SPTBN5: variants seen among roughly 807,000 people sequenced by gnomAD.
SPTBN5 encodes the protein spectrin beta, non-erythrocytic 5.
A neutral mutation model predicts 477.6 loss-of-function variants in SPTBN5; 513 were observed. The ratio of observed to expected loss-of-function variants is 1.07; its 90% CI spans 1.00 to 1.16. SPTBN5 has a LOEUF of 1.16. SPTBN5 is among the 50% of genes most tolerant of loss of function. The probability of loss-of-function intolerance (pLI) is 0.00; values close to 1 mark genes in which losing one functional copy is unlikely to be tolerated. For synonymous variants in SPTBN5, 2,169 were observed against 2,011.7 expected (o/e 1.08, Z -2.09); for missense variants, 5,062 against 4,731.8 (o/e 1.07, Z -2.05).
rs1459335579 is a variant in SPTBN5, at chr15:41,866,149, C to T, written c.6711G>A (p.Trp2237Ter). The T allele has an allele frequency of 1.9e-6, 3 of 1,562,852 alleles. No homozygotes were observed. The East Asian group carries it at 7.2e-5, about 37-fold the overall frequency. ...GGGCCATTGCCTGCCTCAGGTCCTC[C>T]CAGTGCTTCCGCAGGCCCTGCAGCC... ...SQRLQGLRKHWEDLRQAMALR... is the reference protein window; with the variant it reads ...SQRLQGLRKH The change falls in exon 38 of 68, where the codon TGG (tryptophan) becomes TGA (stop). Residue 2237 changes from tryptophan to a stop codon, truncating the protein, a stop_gained. Coordinates refer to ENST00000320955, the MANE Select transcript of SPTBN5 (RefSeq NM_016642.4). LOFTEE classifies it high-confidence loss of function.
intron 12 of SPTBN5, 24 bp downstream of exon 12, chr15:41,881,912 G>T: frequency 3.3e-6 from 5 of 1,514,658 alleles, no homozygotes; most frequent in Non-Finnish European, 4.4e-6. Flanking sequence ...GAGACCAGGC[G>T]CCCTTCCCTG....
intron 35 of SPTBN5, 86 bp from the exon 36 acceptor site, chr15:41,867,212 G>A: frequency 7.1e-7 from 1 of 1,408,694 alleles, no homozygotes; most frequent in Non-Finnish European, 9.3e-7. Context: ...TTTCTTTGAG[G>A]GCCCCGGAGC....
At position 41,866,232 on chromosome 15, in the gene SPTBN5, G is replaced by A. The variant is rs2140934961; in HGVS notation, c.6631-3C>T. ...TGTGCCAGGAGAGCCTCTCCCTTCTGGAGGGAGAGAGGGGACACAGGACAT... is the reference window on the plus strand; with the variant it reads ...TGTGCCAGGAGAGCCTCTCCCTTCTAGAGGGAGAGAGGGGACACAGGACAT... On this transcript the variant is annotated splice_polypyrimidine_tract_variant and splice_region_variant and intron_variant, in intron 37 of 67. Coordinates refer to ENST00000320955, the MANE Select transcript of SPTBN5 (RefSeq NM_016642.4). 6.3e-7 allele frequency: 1 copy of A among 1,590,446 alleles called. No homozygotes were observed. The highest frequency in any genetic ancestry group is 1.1e-5 in the South Asian group (1 of 88,992).
intron 9 of SPTBN5, 34 bp from the exon 10 acceptor site, chr15:41,882,772 G>A (rs2067015439): frequency 2.5e-6 from 4 of 1,593,918 alleles, no homozygotes; most frequent in East Asian, 4.5e-5. Flanking sequence ...AAGGACATGG[G>A]GAGTCGTGAG....
intron 17 of SPTBN5, 81 bp downstream of exon 17, chr15:41,878,261 A>G (rs2066813348): frequency 6.6e-7 from 1 of 1,508,152 alleles, no homozygotes; most frequent in East Asian, 2.3e-5. Flanking sequence ...TACTTCCCGC[A>G]TGCTCTTTCT....
intron 64 of SPTBN5, 33 bp from the exon 65 acceptor site, chr15:41,851,183 G>A (rs768356929): frequency 1.2e-6 from 2 of 1,600,234 alleles, no homozygotes; most frequent in East Asian, 2.2e-5. Context: ...GGTCACTGCG[G>A]CCATCTCAGC....
In SPTBN5 at chr15:41,870,020, G is replaced by A. The variant is rs952696498; in HGVS notation, c.5674C>T (p.Leu1892=). Residue 1892 remains leucine (L), a splice_region_variant and synonymous_variant, in exon 32 of 68, where the codon CTG becomes TTG. Transcript: ENST00000320955. ...CCTGCAGTCTCCAGCAGTTCCTGCAGCTGCGGGAGGGGCAGGGAATAGGGA... is the reference window on the plus strand; with the variant it reads ...CCTGCAGTCTCCAGCAGTTCCTGCAACTGCGGGAGGGGCAGGGAATAGGGA... ...ERELVGTERQ[L]QELLETAGRV... is the part of the protein sequence containing the mutation. 2 of 1,484,964 alleles carry A rather than the reference G, an allele frequency of 1.3e-6. No homozygotes were observed. The highest frequency in any genetic ancestry group is 9.0e-7 in the Non-Finnish European group (1 of 1,114,834). The allele number at this position is 1,484,964 out of a possible 1,614,324, so 92.0% of individuals were successfully genotyped here. A position where few individuals can be genotyped will look rare whatever the true frequency, so the allele number is the denominator to read the frequency against.
In SPTBN5 at chr15:41,851,318, G is replaced by A; in HGVS notation, c.10708C>T (p.Leu3570=). ...ATCCTCTCATCCAGGAACAGGCTCAGAGAGCTGCCCTGCAAGTTCCCGCGG... is the reference window on the plus strand; with the variant it reads ...ATCCTCTCATCCAGGAACAGGCTCAAAGAGCTGCCCTGCAAGTTCCCGCGG... ...SCRGNLQGSS[L]SLFLDERMAA... The change falls in exon 64 of 68, where the codon CTG becomes TTG. Residue 3570 remains leucine (L), a synonymous_variant. Coordinates refer to ENST00000320955, the MANE Select transcript of SPTBN5 (RefSeq NM_016642.4). 6.4e-7 allele frequency: 1 copy of A among 1,551,226 alleles called. No homozygotes were observed. Among genetic ancestry groups the A allele is most frequent in the East Asian group, 2.4e-5 (1 of 40,908 alleles).
At position 41,855,406 on chromosome 15, in the gene SPTBN5, G is replaced by C; in HGVS notation, c.9241C>G (p.Gln3081Glu). The C allele has an allele frequency of 1.2e-6, 2 of 1,604,176 alleles. No homozygotes were observed. The highest frequency in any genetic ancestry group is 1.7e-6 in the Non-Finnish European group (2 of 1,178,608). Residue 3081 changes from glutamine (Q) to glutamate (E), a missense_variant, in exon 55 of 68, where the codon CAG becomes GAG. Coordinates refer to ENST00000320955, the MANE Select transcript of SPTBN5 (RefSeq NM_016642.4). ...PESPKVLAQL[Q>E]AVREAHAELL... ...TCTGCGTGGGCCTCCCGAACTGCCT[G>C]CAGCTGGGCTAGCACCTTGGGGCTG...
chr15:41,857,320 G>C lies in SPTBN5; in HGVS notation c.8539C>G (p.Leu2847Val). 1.3e-6 allele frequency: 2 copies of C among 1,568,378 alleles called. No individual in the cohort carries two copies. The highest frequency in any genetic ancestry group is 1.7e-6 in the Non-Finnish European group (2 of 1,157,190). Residue 2847 changes from leucine (L) to valine (V), a missense_variant, in exon 51 of 68, where the codon CTG becomes GTG. Leu to Val is a conservative substitution (Grantham distance 32). Coordinates refer to ENST00000320955, the MANE Select transcript of SPTBN5 (RefSeq NM_016642.4). ...DKKARQAEAL[L>V]GQAQAFVREG... is the part of the protein sequence containing the mutation. ...CTCACAAAGGCCTGGGCCTGGCCCA[G>C]CAGTGCCTCAGCCTGCCTGGCCTTC...
chr15:41,876,650 G>A lies in SPTBN5; in HGVS notation c.3852-3C>T, dbSNP rs1254718883. 6.6e-7 allele frequency: 1 copy of A among 1,522,338 alleles called. No individual in the cohort carries two copies. The highest frequency in any genetic ancestry group is 9.0e-7 in the Non-Finnish European group (1 of 1,116,958). 94.3% of individuals were successfully genotyped at this position (1,522,338 alleles called of 1,614,324 possible). ...TACTCTGCAGCTGCTCTCTGACCCT[G>A]GAGGGCGGGGGGGGGTTGGAGGAGG... is the stretch of plus-strand genomic sequence containing the variant. On this transcript the variant is annotated splice_polypyrimidine_tract_variant and splice_region_variant and intron_variant, in intron 19 of 67. Coordinates refer to ENST00000320955, the MANE Select transcript of SPTBN5 (RefSeq NM_016642.4).
intron 17 of SPTBN5, among the ~76,000 whole-genome samples, chr15:41,878,073 G>A (rs2066807447): frequency 6.6e-6 from 1 of 152,208 alleles, no homozygotes. Flanking sequence ...CCACCTGGAG[G>A]GGGCCAGCCG....
At position 41,853,289 on chromosome 15, in the gene SPTBN5, A is replaced by C. The variant is rs866890737; in HGVS notation, c.10139T>G (p.Leu3380Arg). 1.2e-6 allele frequency: 2 copies of C among 1,610,514 alleles called. No homozygotes were observed. The highest frequency in any genetic ancestry group is 3.3e-4 in the Middle Eastern group (2 of 6,042). Reference protein sequence around the residue: ...AQDLRQEGQQLVDNSHFMSAE... With the variant: ...AQDLRQEGQQRVDNSHFMSAE... ...AGACATGAAGTGGCTGTTGTCCACC[A>C]GCTGCTGTCCTTCCTGCCGCAGGTC... Residue 3380 changes from leucine (L) to arginine (R), a missense_variant, in exon 59 of 68, where the codon CTG becomes CGG. By Grantham distance (102) the Leu-to-Arg change is moderately radical. Transcript: ENST00000320955.
chr15:41,874,240 A>G lies in SPTBN5; in HGVS notation c.4689+52T>C, dbSNP rs2066641002. 2.6e-6 allele frequency: 4 copies of G among 1,565,218 alleles called. No individual in the cohort carries two copies. The African/African-American group carries it at 5.4e-5, about 21-fold the overall frequency. On this transcript the variant is annotated intron_variant, in intron 24 of 67. Transcript: ENST00000320955. The stretch of plus-strand genomic sequence containing the variant: ...ACCTGAGTAGGGGCAGAGGGTTTCT[A>G]AGGTCTGGGAAGCGGATGTCGGTAA...
At position 41,856,511 on chromosome 15, in the gene SPTBN5, C is replaced by T. The variant is rs1313888478; in HGVS notation, c.8896G>A (p.Ala2966Thr). The T allele has an allele frequency of 6.2e-7, 1 of 1,600,350 alleles. No homozygotes were observed. Among genetic ancestry groups the T allele is most frequent in the Non-Finnish European group, 8.5e-7 (1 of 1,175,032 alleles). The change falls in exon 53 of 68, where the codon GCC (alanine) becomes ACC (threonine). Residue 2966 changes from alanine to threonine, a missense_variant. Transcript: ENST00000320955. ...ACCCGGGCGGCCACCTCGTGGGCGG[C>T]AAAGTGCCCAGCCTGCACCAGCTTG... is the stretch of plus-strand genomic sequence containing the variant. ...GYKLVQAGHF[A>T]AHEVAARVQQ...
intron 32 of SPTBN5, 80 bp downstream of exon 32, chr15:41,869,761 G>A: frequency 7.5e-7 from 1 of 1,324,564 alleles, no homozygotes; most frequent in Non-Finnish European, 9.7e-7. Context: ...GGAGCTGGAG[G>A]GCCTCATGCG....
At position 41,865,802 on chromosome 15, in the gene SPTBN5, T is replaced by G. The variant is rs1467879550; in HGVS notation, c.6918+6A>C. The G allele has an allele frequency of 6.4e-7, 1 of 1,555,120 alleles. No individual in the cohort carries two copies. Among genetic ancestry groups the G allele is most frequent in the Admixed American group, 1.9e-5 (1 of 52,016 alleles). Reference sequence around the variant, plus strand: ...GGCCAACCTCTACCCAGCAAGGCCCTCTTACCCCGGCCGAGTTTCCTCGGA... The same window carrying G: ...GGCCAACCTCTACCCAGCAAGGCCCGCTTACCCCGGCCGAGTTTCCTCGGA... On this transcript the variant is annotated splice_donor_region_variant and intron_variant, in intron 39 of 67. Coordinates refer to ENST00000320955, the MANE Select transcript of SPTBN5 (RefSeq NM_016642.4).
Position 41,874,918 on chromosome 15 carries a change from C to T in SPTBN5, c.4426G>A (p.Ala1476Thr). ...SESRTLAAKM[A>T]ALASMAHGMA... ...CCATGGGCCATGGAGGCGAGGGCAG[C>T]CATCTTGGCAGCCAGGGTCCGGCTC... The change falls in exon 23 of 68, where the codon GCT (alanine) becomes ACT (threonine). Residue 1476 changes from alanine (A) to threonine (T), a missense_variant. Ala to Thr is a moderately conservative substitution (Grantham distance 58). Coordinates refer to ENST00000320955, the MANE Select transcript of SPTBN5 (RefSeq NM_016642.4). 1 of 1,613,372 alleles carries T rather than the reference C, an allele frequency of 6.2e-7. No individual in the cohort carries two copies. Among genetic ancestry groups the T allele is most frequent in the Non-Finnish European group, 8.5e-7 (1 of 1,179,842 alleles).
chr15:41,852,367 C>A, intron 61 of SPTBN5, 51 bp from the exon 62 acceptor site: 11 of 1,511,960 alleles, frequency 7.3e-6, no homozygotes, highest in Non-Finnish European at 9.8e-6. Context: ...GGAGACCAGC[C>A]ACACCTCAGG....
Sources: gnomAD v4.1 joint callset for allele counts (sites outside exome capture counted in the v4.1 genomes callset) on GRCh38, gnomAD v4.1.1 for gene constraint, MANE v1.5 for transcripts, NCBI Gene and HGNC (gene_info 2026-07-23, HGNC 2026-07-21) for gene names.